RFC3: variants seen among roughly 807,000 people sequenced by gnomAD.
The protein encoded by RFC3 is replication factor C subunit 3.
In RFC3, 41 loss-of-function variants were observed where a neutral mutation model predicts 45.1. That is an observed-to-expected ratio of 0.91 (90% CI 0.71 to 1.18). The LOEUF is 1.18. RFC3 is among the 50% of genes most tolerant of loss of function. RFC3 has a pLI of 0.00. For synonymous variants in RFC3, 149 were observed against 144.0 expected (o/e 1.03, Z -0.25); for missense variants, 423 against 428.1 (o/e 0.99, Z 0.10).
chr13:33,969,957 A>G (rs967592655), downstream of RFC3, among the ~76,000 whole-genome samples: 1 of 149,280 alleles, frequency 6.7e-6, no homozygotes, highest in African/African-American at 2.5e-5. Context: ...TCCGGGGTAC[A>G]TGTACGGGAT....
chr13:33,831,437 T>G, intron 7 of RFC3, 83 bp downstream of exon 7: 1 of 717,780 alleles, frequency 1.4e-6, no homozygotes, highest in Non-Finnish European at 2.4e-6. Context: ...GCTAATGTCA[T>G]TTTGAATTAT....
intron 8 of RFC3, among the ~76,000 whole-genome samples, chr13:33,886,090 A>G (rs1037932507): frequency 6.6e-6 from 1 of 152,106 alleles, no homozygotes; most frequent in African/African-American, 2.4e-5. Context: ...TTGTAATTGC[A>G]TGTGGTAAAC....
intron 4 of RFC3, among the ~76,000 whole-genome samples, chr13:33,827,762 C>T (rs951642812): frequency 1.1e-4 from 16 of 152,088 alleles, no homozygotes; most frequent in Non-Finnish European, 2.9e-5. Flanking sequence ...CTCCTCTGCT[C>T]GTCTTTCTTG....
intron 8 of RFC3, among the ~76,000 whole-genome samples, chr13:33,962,118 G>T (rs917256810): frequency 6.6e-6 from 1 of 152,182 alleles, no homozygotes; most frequent in Non-Finnish European, 1.5e-5. Flanking sequence ...GCAGAGGCAG[G>T]TGGTAACTTT....
intron 8 of RFC3, among the ~76,000 whole-genome samples, chr13:33,917,246 C>T (rs1053782918): frequency 6.6e-6 from 1 of 152,072 alleles, no homozygotes; most frequent in Admixed American, 6.6e-5. Context: ...TGTAGGTAAG[C>T]GAGTCCAGAG....
At chr13:33,839,643 TC>T (rs2082182936), downstream of RFC3, among the ~76,000 whole-genome samples, 1 of 152,228 alleles carries the variant, frequency 6.6e-6, no homozygotes, top group Non-Finnish European at 1.5e-5. Context: ...TAGTGGGAAA[TC>T]ACCCAATATC....
At chr13:33,895,516 G>C (rs546826112) in intron 8 of RFC3, among the ~76,000 whole-genome samples, 3 of 152,268 alleles carry the variant, frequency 2.0e-5, no homozygotes, top group African/African-American at 7.2e-5. Flanking sequence ...GTGGTAAAAA[G>C]GGAACGCTTA....
At chr13:33,923,880 A>G (rs1478745201) in intron 8 of RFC3, among the ~76,000 whole-genome samples, 3 of 152,284 alleles carry the variant, frequency 2.0e-5, no homozygotes, top group Admixed American at 2.0e-4. Flanking sequence ...TGTGGTACAC[A>G]TTAGGAAAAG....
At chr13:33,954,843 GA>G (rs1447188834) in intron 8 of RFC3, among the ~76,000 whole-genome samples, 1 of 152,160 alleles carries the variant, frequency 6.6e-6, no homozygotes, top group Non-Finnish European at 1.5e-5. Context: ...ACACACTGGG[GA>G]TAAAGGCTTC....
At chr13:33,892,070 A>G (rs2082567403) in intron 8 of RFC3, among the ~76,000 whole-genome samples, 1 of 152,210 alleles carries the variant, frequency 6.6e-6, no homozygotes, top group African/African-American at 2.4e-5. Context: ...ATAACTATCC[A>G]AGCAAGTCAA....
At chr13:33,897,854 C>T (rs776236766) in intron 8 of RFC3, among the ~76,000 whole-genome samples, 7 of 151,698 alleles carry the variant, frequency 4.6e-5, no homozygotes, top group African/African-American at 9.7e-5. Flanking sequence ...GGTCAAATCA[C>T]CAAGAAAATA....
At chr13:33,839,787 C>T (rs2082184394), downstream of RFC3, among the ~76,000 whole-genome samples, 1 of 152,168 alleles carries the variant, frequency 6.6e-6, no homozygotes. Flanking sequence ...AGCAGGTCTG[C>T]TGGTGAATTA....
intron 8 of RFC3, among the ~76,000 whole-genome samples, chr13:33,930,036 A>G (rs762484702): frequency 6.6e-6 from 1 of 152,116 alleles, no homozygotes; most frequent in Non-Finnish European, 1.5e-5. Context: ...ATCTCTGACT[A>G]TTTAATAAAT....
At chr13:33,949,173 CCTCATGATAATGAGTGAAT>C (rs985040202) in intron 8 of RFC3, among the ~76,000 whole-genome samples, 2 of 151,924 alleles carry the variant, frequency 1.3e-5, no homozygotes, top group African/African-American at 4.8e-5. Context: ...CCCATGCTGC[CCTCATGATAATGAGTGAAT>C]CTCACAAGAT....
chr13:33,942,757 T>C (rs944838980), intron 8 of RFC3, among the ~76,000 whole-genome samples: 2 of 149,584 alleles, frequency 1.3e-5, no homozygotes, highest in African/African-American at 4.9e-5. Context: ...TAACATCTTA[T>C]TTTTTTTTTA....
intron 2 of RFC3, among the ~76,000 whole-genome samples, chr13:33,823,292 C>T (rs1267083746): frequency 5.9e-5 from 9 of 152,072 alleles, no homozygotes; most frequent in Admixed American, 5.9e-4. Context: ...ATCCAGAAAA[C>T]TGGGAATCTC....
chr13:33,955,037 G>T (rs753457363), intron 8 of RFC3, among the ~76,000 whole-genome samples: 2 of 152,154 alleles, frequency 1.3e-5, no homozygotes, highest in Non-Finnish European at 2.9e-5. Context: ...TATTTCTCAT[G>T]CAGCCTCTCT....
chr13:33,819,812 G>T (rs758588625), intron 1 of RFC3, among the ~76,000 whole-genome samples: 61 of 152,104 alleles, frequency 4.0e-4, no homozygotes, highest in Non-Finnish European at 6.8e-4. Context: ...ATGTTCACCT[G>T]TTTACTCTTT....
At chr13:33,872,378 T>C in intron 8 of RFC3, among the ~76,000 whole-genome samples, 1 of 152,184 alleles carries the variant, frequency 6.6e-6, no homozygotes, top group East Asian at 1.9e-4. Context: ...AGTAAAAATA[T>C]TTACAACTTA....
Sources: allele counts gnomAD v4.1 joint callset (sites outside exome capture counted in the v4.1 genomes callset), GRCh38; gene constraint gnomAD v4.1.1; transcripts MANE v1.5; gene names NCBI Gene and HGNC (gene_info 2026-07-23, HGNC 2026-07-21).